LYRM4: variants seen among roughly 807,000 people sequenced by gnomAD.
The protein encoded by LYRM4 is LYR motif containing 4, also known as LYR motif-containing protein 4.
In LYRM4, 9 loss-of-function variants were observed where a neutral mutation model predicts 11.7. The ratio of observed to expected loss-of-function variants is 0.77; its 90% CI spans 0.46 to 1.34. The LOEUF is 1.34. LYRM4 is among the 40% of genes most tolerant of loss of function. The pLI is 0.00. For missense variants in LYRM4, 133 were observed against 112.5 expected (o/e 1.18, Z -0.82); for synonymous variants, 42 against 40.4 (o/e 1.04, Z -0.15).
chr6:5,103,321 T>C (rs1446500642), downstream of LYRM4: 4 of 152,196 alleles, frequency 2.6e-5, no homozygotes, highest in Non-Finnish European at 5.9e-5. Context: ...TAATAATGAA[T>C]ATCCACTCGG....
At chr6:5,214,708 C>T (rs992078346) in intron 2 of LYRM4, among the ~76,000 whole-genome samples, 3 of 152,228 alleles carry the variant, frequency 2.0e-5, no homozygotes, top group Admixed American at 2.0e-4. Context: ...CAGCTTGCAG[C>T]CAGATGGCCG....
At chr6:5,064,500 G>A in the LYRM4 span, among the ~76,000 whole-genome samples, 2 of 152,142 alleles carry the variant, frequency 1.3e-5, no homozygotes, top group East Asian at 3.8e-4. Flanking sequence ...TAATGTATTT[G>A]TTACAGCTGA....
intron 2 of LYRM4, chr6:5,144,170 G>T: frequency 1.3e-6 from 2 of 1,536,788 alleles, no homozygotes; most frequent in Non-Finnish European, 1.7e-6. Context: ...CGTCTGTCAG[G>T]TGGTTTCCTC....
chr6:5,178,906 T>C (rs1295895787), intron 2 of LYRM4, among the ~76,000 whole-genome samples: 1 of 150,952 alleles, frequency 6.6e-6, no homozygotes, highest in Admixed American at 6.6e-5. Flanking sequence ...GAAAGAAGTT[T>C]ACTGGCAGTT....
chr6:5,177,138 C>A (rs79007706), intron 2 of LYRM4, among the ~76,000 whole-genome samples: 2,000 of 152,314 alleles, frequency 0.013, 39 homozygotes, highest in African/African-American at 0.044. Flanking sequence ...AGAGGACTCT[C>A]AAGGCCTCCT....
At chr6:5,072,507 A>G in the LYRM4 span, among the ~76,000 whole-genome samples, 1 of 152,062 alleles carries the variant, frequency 6.6e-6, no homozygotes, top group Admixed American at 6.6e-5. Flanking sequence ...TGACTTTGTA[A>G]TAATAGGCAT....
intron 1 of LYRM4, among the ~76,000 whole-genome samples, chr6:5,248,762 T>G (rs148375945): frequency 2.7e-3 from 409 of 152,356 alleles, no homozygotes; most frequent in Non-Finnish European, 3.5e-3. Flanking sequence ...TGGTATATTG[T>G]CACCATGCTG....
chr6:5,046,090 T>A, the LYRM4 span, among the ~76,000 whole-genome samples: 1 of 152,150 alleles, frequency 6.6e-6, no homozygotes, highest in Non-Finnish European at 1.5e-5. Flanking sequence ...GAAATAGGCC[T>A]TCAGCATGAG....
At chr6:5,157,245 A>C (rs1758467913) in intron 2 of LYRM4, among the ~76,000 whole-genome samples, 1 of 152,254 alleles carries the variant, frequency 6.6e-6, no homozygotes. Flanking sequence ...GGCGAAAGTT[A>C]CCATTTAATG....
chr6:5,170,431 C>G (rs992841440), intron 2 of LYRM4, among the ~76,000 whole-genome samples: 1 of 152,094 alleles, frequency 6.6e-6, no homozygotes, highest in Non-Finnish European at 1.5e-5. Context: ...CACAAAGGGC[C>G]TGTGACCCAA....
chr6:5,118,375 C>G (rs34259577), intron 2 of LYRM4, among the ~76,000 whole-genome samples: 1 of 152,066 alleles, frequency 6.6e-6, no homozygotes, highest in Non-Finnish European at 1.5e-5. Flanking sequence ...ACTCGGCCTC[C>G]TAAAGTGCTA....
intron 2 of LYRM4, among the ~76,000 whole-genome samples, chr6:5,205,968 C>T (rs566973182): frequency 1.1e-3 from 169 of 152,360 alleles, no homozygotes; most frequent in Non-Finnish European, 2.1e-3. Flanking sequence ...TTTTCTCAAA[C>T]AGGCCCCGCT....
At chr6:5,220,326 T>C (rs1762512854) in intron 1 of LYRM4, among the ~76,000 whole-genome samples, 1 of 152,174 alleles carries the variant, frequency 6.6e-6, no homozygotes, top group South Asian at 2.1e-4. Flanking sequence ...GCATCCAATG[T>C]GTGATGTGGA....
At chr6:5,120,538 C>G (rs376233600) in intron 2 of LYRM4, among the ~76,000 whole-genome samples, 26 of 152,304 alleles carry the variant, frequency 1.7e-4, no homozygotes, top group African/African-American at 6.3e-4. Context: ...ACAAAGTCTC[C>G]ACAGCGTGGA....
intron 2 of LYRM4, among the ~76,000 whole-genome samples, chr6:5,111,659 C>T (rs1385534330): frequency 2.6e-5 from 4 of 152,182 alleles, no homozygotes; most frequent in South Asian, 2.1e-4. Flanking sequence ...TAATGACAGC[C>T]GCGTGGTCTC....
At chr6:5,053,791 ACT>A in the LYRM4 span, among the ~76,000 whole-genome samples, 1 of 152,070 alleles carries the variant, frequency 6.6e-6, no homozygotes, top group East Asian at 1.9e-4. Context: ...AGTTTCAAAG[ACT>A]CTCTTTGTTG....
chr6:5,149,156 C>T (rs553610254), intron 2 of LYRM4, among the ~76,000 whole-genome samples: 1 of 152,270 alleles, frequency 6.6e-6, no homozygotes, highest in Admixed American at 6.5e-5. Flanking sequence ...AAATTTCCAT[C>T]AGTATGTATG....
intron 1 of LYRM4, among the ~76,000 whole-genome samples, chr6:5,250,879 G>C (rs908507495): frequency 1.4e-4 from 21 of 152,236 alleles, no homozygotes; most frequent in African/African-American, 4.6e-4. Flanking sequence ...ATTTCATAGA[G>C]AGCAAAACTC....
the LYRM4 span, among the ~76,000 whole-genome samples, chr6:5,083,518 G>C: frequency 6.6e-6 from 1 of 152,216 alleles, no homozygotes; most frequent in Non-Finnish European, 1.5e-5. Flanking sequence ...AGGCTTAGTA[G>C]TGATGGGGGA....
Sources: allele counts gnomAD v4.1 joint callset (sites outside exome capture counted in the v4.1 genomes callset), GRCh38; gene constraint gnomAD v4.1.1; transcripts MANE v1.5; gene names NCBI Gene and HGNC (gene_info 2026-07-23, HGNC 2026-07-21).